The following WWOX variants were observed in gnomAD, a reference collection of about 807,000 sequenced individuals.
The protein encoded by WWOX is WW domain containing oxidoreductase.
A neutral mutation model predicts 46.2 loss-of-function variants in WWOX; 69 were observed. The ratio of observed to expected loss-of-function variants is 1.49; its 90% CI spans 1.23 to 1.82. The LOEUF (loss-of-function observed/expected upper bound fraction) is 1.82. Among genes scored for constraint, WWOX ranks in the 40% most tolerant of loss-of-function variants. The probability of loss-of-function intolerance (pLI) is 0.00; values close to 1 mark genes in which losing one functional copy is unlikely to be tolerated. For missense variants in WWOX, 919 were observed against 542.6 expected (o/e 1.69, Z -6.89); for synonymous variants, 359 against 202.6 (o/e 1.77, Z -6.56).
intron 5 of WWOX, among the ~76,000 whole-genome samples, chr16:78,208,371 A>C (rs1266989684): frequency 6.6e-6 from 1 of 152,200 alleles, no homozygotes; most frequent in East Asian, 1.9e-4. Context: ...GTCCTTTAGG[A>C]GTCATAAAAA....
chr16:78,352,618 T>G (rs2081208069), intron 5 of WWOX, among the ~76,000 whole-genome samples: 1 of 152,220 alleles, frequency 6.6e-6, no homozygotes, highest in African/African-American at 2.4e-5. Flanking sequence ...TGGGATAATC[T>G]GCCTGTTTGA....
rs371996496 is a variant in WWOX at position 78,432,673 on chromosome 16, T to C, written c.977T>C (p.Met326Thr). ...TCGAACGCAGTGCATCCTGGAAATA[T>C]GATGTACTCCAACATTCATCGCAGC... ...VTSNAVHPGN[M>T]MYSNIHRSWW... Residue 326 changes from methionine to threonine, a missense_variant, in exon 8 of 9, where the codon ATG (methionine) becomes ACG (threonine). Met to Thr is a moderately conservative substitution (Grantham distance 81, BLOSUM62 -1). Coordinates refer to ENST00000566780, the MANE Select transcript of WWOX (RefSeq NM_016373.4). 19 of 1,614,214 alleles carry C rather than the reference T, an allele frequency of 1.2e-5. No individual in the cohort carries two copies. The highest frequency in any genetic ancestry group is 1.0e-4 in the Admixed American group (6 of 60,026).
At chr16:79,208,717 A>C (rs993493603) in intron 8 of WWOX, among the ~76,000 whole-genome samples, 5 of 152,154 alleles carry the variant, frequency 3.3e-5, no homozygotes, top group East Asian at 1.9e-4. Flanking sequence ...AATGTGCCTC[A>C]GTCTTATTCT....
At chr16:79,088,564 C>G (rs564178677) in intron 8 of WWOX, among the ~76,000 whole-genome samples, 1 of 152,134 alleles carries the variant, frequency 6.6e-6, no homozygotes, top group African/African-American at 2.4e-5. Context: ...GCGATGTTTT[C>G]TATGGGGGTT....
chr16:78,715,819 A>T (rs552383170), intron 8 of WWOX, among the ~76,000 whole-genome samples: 30 of 152,258 alleles, frequency 2.0e-4, no homozygotes, highest in Middle Eastern at 3.4e-3. Context: ...CTTTTCTAGA[A>T]TCTATCAACT....
chr16:78,646,369 C>T (rs1178710959), intron 8 of WWOX, among the ~76,000 whole-genome samples: 1 of 152,136 alleles, frequency 6.6e-6, no homozygotes. Flanking sequence ...AGTAAGGTCC[C>T]TCCATCCTCC....
chr16:78,828,686 C>G (rs964669588), intron 8 of WWOX, among the ~76,000 whole-genome samples: 1 of 152,038 alleles, frequency 6.6e-6, no homozygotes, highest in African/African-American at 2.4e-5. Flanking sequence ...TATGTGTGTG[C>G]CAATTATGTG....
chr16:78,567,631 A>G (rs1259527636), intron 8 of WWOX, among the ~76,000 whole-genome samples: 3 of 149,532 alleles, frequency 2.0e-5, no homozygotes, highest in Non-Finnish European at 4.4e-5. Flanking sequence ...GCAGCCTGCT[A>G]TTGTATTTAA....
chr16:78,103,828 G>T (rs1205503335), intron 1 of WWOX, among the ~76,000 whole-genome samples: 1 of 152,040 alleles, frequency 6.6e-6, no homozygotes, highest in East Asian at 1.9e-4. Context: ...AGACCTCGGG[G>T]TCTGGTGGAA....
At chr16:78,672,948 A>G (rs577276650) in intron 8 of WWOX, among the ~76,000 whole-genome samples, 8 of 152,336 alleles carry the variant, frequency 5.3e-5, no homozygotes, top group East Asian at 1.9e-4. Flanking sequence ...ACCTTGTGCA[A>G]TCCATAAGAG....
chr16:78,832,236 C>A (rs1461016815), intron 8 of WWOX, among the ~76,000 whole-genome samples: 2 of 152,122 alleles, frequency 1.3e-5, no homozygotes, highest in African/African-American at 4.8e-5. Flanking sequence ...AGCAGGAGGC[C>A]TCAGTTCTTC....
chr16:78,997,613 A>G (rs2047015793), intron 8 of WWOX, among the ~76,000 whole-genome samples: 1 of 152,056 alleles, frequency 6.6e-6, no homozygotes, highest in Non-Finnish European at 1.5e-5. Flanking sequence ...ATGCCAAGAA[A>G]CCTAATGTAT....
chr16:78,440,218 G>A (rs886369861), intron 8 of WWOX, among the ~76,000 whole-genome samples: 5 of 152,126 alleles, frequency 3.3e-5, no homozygotes, highest in African/African-American at 9.7e-5. Context: ...TTATAGGATC[G>A]TTGTGAGAAG....
chr16:78,700,059 T>C (rs2048179681), intron 8 of WWOX, among the ~76,000 whole-genome samples: 2 of 152,068 alleles, frequency 1.3e-5, no homozygotes, highest in African/African-American at 4.8e-5. Flanking sequence ...CTCTTGATGC[T>C]GGCTACACCC....
intron 8 of WWOX, among the ~76,000 whole-genome samples, chr16:79,085,028 C>A (rs1177670774): frequency 1.3e-5 from 2 of 148,740 alleles, no homozygotes; most frequent in African/African-American, 5.0e-5. Context: ...TAGGCTTAAG[C>A]AATCCTCCCG....
rs114135437 is a variant in WWOX, at chr16:78,846,383, A to G, written c.1057-365225A>G. Among the ~76,000 whole-genome samples, 1,266 of 152,084 alleles carry G rather than the reference A, an allele frequency of 8.3e-3. 25 individuals are homozygous for G. Among genetic ancestry groups the G allele is most frequent in the African/African-American group, 0.029 (1,206 of 41,490 alleles). The stretch of plus-strand genomic sequence containing the variant: ...AACCAGATACCACCTGGCATTTATT[A>G]TCATATCTCTCCAGTCCCCTCTGGT... On this transcript the variant is annotated intron_variant, in intron 8 of 8. Coordinates refer to ENST00000566780, the MANE Select transcript of WWOX (RefSeq NM_016373.4).
intron 8 of WWOX, among the ~76,000 whole-genome samples, chr16:78,742,714 G>T (rs1178155166): frequency 6.6e-6 from 1 of 152,200 alleles, no homozygotes. Context: ...TTCACATGGG[G>T]TTGGGCGACA....
At chr16:78,452,579 G>A (rs2151413483) in intron 8 of WWOX, among the ~76,000 whole-genome samples, 1 of 150,396 alleles carries the variant, frequency 6.6e-6, no homozygotes, top group Non-Finnish European at 1.5e-5. Flanking sequence ...AGGTTCAAGG[G>A]ACTCTCTTGC....
At chr16:78,617,130 G>C (rs1423116856) in intron 8 of WWOX, among the ~76,000 whole-genome samples, 2 of 152,164 alleles carry the variant, frequency 1.3e-5, no homozygotes, top group African/African-American at 4.8e-5. Context: ...AAAGGTGATA[G>C]GCCTGTTGTG....
Sources: allele counts gnomAD v4.1 joint callset (sites outside exome capture counted in the v4.1 genomes callset), GRCh38; gene constraint gnomAD v4.1.1; transcripts MANE v1.5; gene names NCBI Gene and HGNC (gene_info 2026-07-23, HGNC 2026-07-21).